The following DMD variants were observed in gnomAD, a reference collection of about 807,000 sequenced individuals.
The protein encoded by DMD is dystrophin, also known as mutant dystrophin.
Under a neutral mutation model 330.1 loss-of-function variants are expected in DMD, and 63 were observed. The ratio of observed to expected loss-of-function variants is 0.19; its 90% CI spans 0.16 to 0.24. The LOEUF (loss-of-function observed/expected upper bound fraction) is 0.24. Ranked by LOEUF, DMD falls within the 10% of genes least tolerant of loss-of-function variation. DMD has a pLI of 1.00. For missense variants in DMD, 3,344 were observed against 2,684.1 expected (o/e 1.25, Z -5.43); for synonymous variants, 1,223 against 959.8 (o/e 1.27, Z -5.07).
intron 11 of DMD, among the ~76,000 whole-genome samples, chrX:32,636,921 C>G (rs919690390): frequency 4.6e-5 from 5 of 109,877 alleles, no homozygotes; most frequent in African/African-American, 1.3e-4. Flanking sequence ...TGGCGTGAAC[C>G]CGGGGGGCGG....
At chrX:33,264,813 A>G (rs1166598757) in intron 1 of DMD, among the ~76,000 whole-genome samples, 3 of 110,903 alleles carry the variant, frequency 2.7e-5, no homozygotes, top group African/African-American at 9.8e-5. Flanking sequence ...CTTTACAGTC[A>G]TAGTAGGTTG....
In DMD at chrX:32,692,435, C is replaced by T. The variant is rs188897550; in HGVS notation, c.960+5435G>A. Among the ~76,000 whole-genome samples the T allele has an allele frequency of 2.7e-3, 296 of 111,620 alleles. 3 individuals are homozygous for T. Among genetic ancestry groups the T allele is most frequent in the African/African-American group, 9.1e-3 (280 of 30,708 alleles). ...GTCTCCCTGGCTGGCTTCCCATCCT[C>T]TGTTTGCCAATTACTTTCTACAATA... On this transcript the variant is annotated intron_variant, in intron 9 of 78. Transcript: ENST00000357033.
chrX:32,481,384 C>T (rs1042159850), intron 21 of DMD, among the ~76,000 whole-genome samples: 4 of 111,543 alleles, frequency 3.6e-5, no homozygotes, highest in Non-Finnish European at 5.7e-5. Context: ...ATTTCTTCTT[C>T]ACATACCAGC....
chrX:31,724,357 G>A (rs767703207), intron 52 of DMD, among the ~76,000 whole-genome samples: 1 of 112,281 alleles, frequency 8.9e-6, no homozygotes, highest in East Asian at 2.8e-4. Flanking sequence ...GGTTGACAAA[G>A]CTGCTATAAA....
intron 55 of DMD, among the ~76,000 whole-genome samples, chrX:31,618,118 A>C (rs943270879): frequency 1.8e-5 from 2 of 110,635 alleles, no homozygotes; most frequent in Non-Finnish European, 3.8e-5. Context: ...ACTACCTATC[A>C]GGTACCATGC....
intron 44 of DMD, among the ~76,000 whole-genome samples, chrX:32,040,217 A>AAATC (rs1298027066): frequency 6.3e-5 from 7 of 111,956 alleles, no homozygotes; most frequent in Non-Finnish European, 9.4e-5. Flanking sequence ...TGGAGTGACA[A>AAATC]AATCCTTCAT....
At position 32,390,175 on chromosome X, in the gene DMD, G is replaced by T; in HGVS notation, c.4240C>A (p.Gln1414Lys). The T allele has an allele frequency of 1.7e-6, 2 of 1,188,469 alleles. No homozygotes were observed. Among genetic ancestry groups the T allele is most frequent in the Non-Finnish European group, 2.3e-6 (2 of 874,703 alleles). Residue 1414 changes from glutamine to lysine, a missense_variant, in exon 31 of 79, where the codon CAA (glutamine) becomes AAA (lysine). By Grantham distance (53) the Gln-to-Lys change is moderately conservative. Transcript: ENST00000357033. ...ATCTCATGACTTGTCAAATCAGATTGGATTTTCTGTTGGGAGGATAGCATT... is the reference window on the plus strand; with the variant it reads ...ATCTCATGACTTGTCAAATCAGATTTGATTTTCTGTTGGGAGGATAGCATT... The part of the protein sequence containing the change: ...AQMPQEAQKI[Q>K]SDLTSHEISL...
intron 61 of DMD, among the ~76,000 whole-genome samples, chrX:31,337,849 C>G (rs1265358893): frequency 8.9e-6 from 1 of 111,969 alleles, no homozygotes; most frequent in Non-Finnish European, 1.9e-5. Flanking sequence ...TTCCATGCCA[C>G]CGGGCTAATT....
At chrX:32,415,945 G>T (rs1234764659) in intron 29 of DMD, among the ~76,000 whole-genome samples, 1 of 111,857 alleles carries the variant, frequency 8.9e-6, no homozygotes, top group Non-Finnish European at 1.9e-5. Flanking sequence ...AGAGTTTAAT[G>T]AGTTTTGCTG....
intron 9 of DMD, among the ~76,000 whole-genome samples, chrX:32,692,209 CTG>C (rs768905565): frequency 4.2e-4 from 47 of 112,306 alleles, no homozygotes; most frequent in African/African-American, 1.4e-3. Flanking sequence ...AAGAGTGTAA[CTG>C]TTGAAAATAA....
chrX:33,142,444 G>A (rs967132943), intron 1 of DMD, among the ~76,000 whole-genome samples: 1 of 112,891 alleles, frequency 8.9e-6, no homozygotes, highest in Non-Finnish European at 1.9e-5. Context: ...AATCAAAACT[G>A]AAGTGATTCA....
At chrX:32,026,393 C>A (rs1205260823) in intron 44 of DMD, among the ~76,000 whole-genome samples, 1 of 111,790 alleles carries the variant, frequency 8.9e-6, no homozygotes, top group Non-Finnish European at 1.9e-5. Flanking sequence ...AGTGTTGATC[C>A]AATCTCATTC....
intron 48 of DMD, among the ~76,000 whole-genome samples, chrX:31,871,922 T>C (rs769874177): frequency 3.9e-4 from 17 of 43,368 alleles, no homozygotes; most frequent in Non-Finnish European, 6.6e-4. Context: ...TGTGCAATCT[T>C]AATAAATCAT....
chrX:33,296,264 T>C (rs1478092876), intron 1 of DMD, among the ~76,000 whole-genome samples: 1 of 110,940 alleles, frequency 9.0e-6, no homozygotes, highest in African/African-American at 3.3e-5. Flanking sequence ...ACATGAAACA[T>C]CACTGTCTGA....
chrX:32,847,889 T>C (rs1425156663), intron 3 of DMD, among the ~76,000 whole-genome samples: 1 of 112,391 alleles, frequency 8.9e-6, no homozygotes, highest in Admixed American at 9.4e-5. Flanking sequence ...TTTGCCGAAA[T>C]TAGTGGTTTT....
chrX:31,341,217 T>C (rs965488155), intron 61 of DMD, among the ~76,000 whole-genome samples: 2 of 112,153 alleles, frequency 1.8e-5, no homozygotes, highest in African/African-American at 6.5e-5. Context: ...CTAAGGGTTT[T>C]ACAAATATTA....
intron 9 of DMD, among the ~76,000 whole-genome samples, chrX:32,695,114 G>T (rs772082835): frequency 8.9e-6 from 1 of 112,287 alleles, no homozygotes; most frequent in Non-Finnish European, 1.9e-5. Flanking sequence ...AAACACAAGC[G>T]CTAAATAATC....
chrX:33,317,262 C>T (rs1343967531), intron 1 of DMD, among the ~76,000 whole-genome samples: 1 of 111,029 alleles, frequency 9.0e-6, no homozygotes, highest in Non-Finnish European at 1.9e-5. Flanking sequence ...TTATATTGCT[C>T]ATTTGCCAGA....
chrX:31,398,526 C>A (rs1166770422), intron 60 of DMD, among the ~76,000 whole-genome samples: 1 of 112,307 alleles, frequency 8.9e-6, no homozygotes, highest in African/African-American at 3.2e-5. Context: ...TGGGCTCAAG[C>A]AATTCTCCTG....
Sources: allele counts gnomAD v4.1 joint callset (sites outside exome capture counted in the v4.1 genomes callset), GRCh38; gene constraint gnomAD v4.1.1; transcripts MANE v1.5; gene names NCBI Gene and HGNC (gene_info 2026-07-23, HGNC 2026-07-21).